ELP4: variants seen among roughly 807,000 people sequenced by gnomAD.
The protein encoded by ELP4 is elongator acetyltransferase complex subunit 4, also known as elongator complex protein 4.
Under a neutral mutation model 48.9 loss-of-function variants are expected in ELP4, and 51 were observed. That is an observed-to-expected ratio of 1.04 (90% CI 0.83 to 1.32). The LOEUF is 1.32. ELP4 is among the 40% of genes most tolerant of loss of function. The pLI is 0.00. For missense variants in ELP4, 519 were observed against 514.6 expected (o/e 1.01, Z -0.08); for synonymous variants, 210 against 189.2 (o/e 1.11, Z -0.90).
chr11:31,573,617 C>T (rs1391017049), intron 3 of ELP4: 2 of 152,088 alleles, frequency 1.3e-5, no homozygotes, highest in Non-Finnish European at 2.9e-5. Context: ...GGTGTCTCTT[C>T]TTATAAGGTA....
At chr11:31,637,469 T>C (rs1592180045) in intron 7 of ELP4, 1 of 152,118 alleles carries the variant, frequency 6.6e-6, no homozygotes, top group African/African-American at 2.4e-5. Context: ...ATAAGAATAT[T>C]ATTGCAACTT....
chr11:31,577,656 A>G (rs1243371499), intron 3 of ELP4, among the ~76,000 whole-genome samples: 1 of 152,168 alleles, frequency 6.6e-6, no homozygotes, highest in Non-Finnish European at 1.5e-5. Flanking sequence ...GAATCAATAA[A>G]TGTAATCCAT....
rs1945482302 is a variant in ELP4, at chr11:31,658,364, TA to T, written c.1143+8144del. 1.6e-4 allele frequency among the ~76,000 whole-genome samples: 5 copies of T among 30,812 alleles called. No homozygotes were observed. In the Admixed American group the frequency reaches 1.7e-3, roughly 10 times the overall value. 20.2% of individuals were successfully genotyped at this position (30,812 alleles called of 152,430 possible). On this transcript the variant is annotated intron_variant, in intron 9 of 9. Transcript: ENST00000640961. ...CCTTATATAACATGATGTTATTTTA[TA>T]TATATATATATTCATATGTATGTGT...
intron 9 of ELP4, among the ~76,000 whole-genome samples, chr11:31,700,335 A>G (rs1345968422): frequency 2.0e-5 from 3 of 152,088 alleles, no homozygotes; most frequent in Non-Finnish European, 4.4e-5. Context: ...GTGTTTGAAA[A>G]TACTTCAAAA....
chr11:31,518,857 A>G (rs1455608129), intron 1 of ELP4, among the ~76,000 whole-genome samples: 1 of 146,500 alleles, frequency 6.8e-6, no homozygotes, highest in East Asian at 2.0e-4. Context: ...GATTGTGCCA[A>G]TGCACTCTAG....
chr11:31,663,277 A>C (rs1011170976), intron 9 of ELP4: 5 of 152,042 alleles, frequency 3.3e-5, no homozygotes, highest in African/African-American at 7.2e-5. Flanking sequence ...AAATGTTAAA[A>C]GTTTTGAATT....
intron 8 of ELP4, 112 bp downstream of exon 8, chr11:31,647,961 C>T: frequency 3.1e-6 from 2 of 640,802 alleles, no homozygotes; most frequent in Non-Finnish European, 5.7e-6. Context: ...TTTTATAATA[C>T]ACCTGTTAAA....
chr11:31,584,267 C>T (rs1304588294), intron 3 of ELP4, among the ~76,000 whole-genome samples: 2 of 151,680 alleles, frequency 1.3e-5, no homozygotes, highest in East Asian at 3.9e-4. Flanking sequence ...TGTTCTCCAC[C>T]TTGAGGATAG....
At position 31,784,388 on chromosome 11, in the gene ELP4, C is replaced by T. The variant is rs1424830892; in HGVS notation, c.*864C>T. 6.6e-6 allele frequency: 1 copy of T among 152,124 alleles called. No homozygotes were observed. The highest frequency in any genetic ancestry group is 6.5e-5 in the Admixed American group (1 of 15,280). The allele number at this position is 152,124 out of a possible 1,614,324, so 9.4% of individuals were successfully genotyped here. A position where few individuals can be genotyped will look rare whatever the true frequency, so the allele number is the denominator to read the frequency against. On this transcript the variant is annotated 3_prime_UTR_variant, in exon 10 of 10. Transcript: ENST00000640961. Reference sequence around the variant, plus strand: ...GAACATTGGTTGAGTGTGTAAATTTCTAACCATGTAAACATGTCTTTGGGG... The same window carrying T: ...GAACATTGGTTGAGTGTGTAAATTTTTAACCATGTAAACATGTCTTTGGGG...
chr11:31,567,131 C>T (rs920001146), intron 3 of ELP4, among the ~76,000 whole-genome samples: 12 of 151,962 alleles, frequency 7.9e-5, no homozygotes, highest in African/African-American at 2.7e-4. Flanking sequence ...TGGGGTTTCT[C>T]CATGTTGGTC....
intron 9 of ELP4, among the ~76,000 whole-genome samples, chr11:31,780,317 GC>G (rs1422803993): frequency 6.6e-6 from 1 of 152,070 alleles, no homozygotes; most frequent in African/African-American, 2.4e-5. Context: ...GTTCTTCCTC[GC>G]TGTTTCACAT....
intron 5 of ELP4, among the ~76,000 whole-genome samples, chr11:31,604,290 G>A (rs1957832084): frequency 6.6e-6 from 1 of 151,754 alleles, no homozygotes; most frequent in African/African-American, 2.4e-5. Flanking sequence ...ATACAAACTA[G>A]TGTCGTTTGC....
At chr11:31,678,879 G>T (rs1945996036) in intron 9 of ELP4, among the ~76,000 whole-genome samples, 1 of 152,156 alleles carries the variant, frequency 6.6e-6, no homozygotes. Context: ...CACCAGCAAT[G>T]AATGAGAGTT....
chr11:31,789,468 A>C lies in ELP4; in HGVS notation c.*5944A>C, dbSNP rs1044580021. Reference sequence around the variant, plus strand: ...TAATTATATGCAAAGGAATGATACAAACTTGGAACATCAGTCCATAAACTA... The same window carrying C: ...TAATTATATGCAAAGGAATGATACACACTTGGAACATCAGTCCATAAACTA... On this transcript the variant is annotated 3_prime_UTR_variant, in exon 10 of 10. Coordinates refer to ENST00000640961, the MANE Select transcript of ELP4 (RefSeq NM_019040.5). The C allele has an allele frequency of 4.1e-6, 2 of 491,410 alleles. No individual in the cohort carries two copies. The highest frequency in any genetic ancestry group is 7.5e-5 in the Admixed American group (2 of 26,578). 30.4% of individuals were successfully genotyped at this position (491,410 alleles called of 1,614,324 possible). A position where few individuals can be genotyped will look rare whatever the true frequency, so the allele number is the denominator to read the frequency against.
intron 3 of ELP4, among the ~76,000 whole-genome samples, chr11:31,546,571 A>T (rs1343229967): frequency 6.6e-6 from 1 of 152,200 alleles, no homozygotes; most frequent in East Asian, 1.9e-4. Context: ...CATTAGACAG[A>T]TCAACGAGAC....
At chr11:31,629,560 A>G (rs1944815424) in intron 6 of ELP4, among the ~76,000 whole-genome samples, 1 of 152,010 alleles carries the variant, frequency 6.6e-6, no homozygotes, top group African/African-American at 2.4e-5. Flanking sequence ...TGTATCTGTC[A>G]GAGTCATTAA....
intron 5 of ELP4, among the ~76,000 whole-genome samples, chr11:31,604,542 A>G (rs1409708321): frequency 6.6e-6 from 1 of 151,964 alleles, no homozygotes; most frequent in Non-Finnish European, 1.5e-5. Flanking sequence ...TGAATAATGT[A>G]TGTTATAAAG....
intron 2 of ELP4, among the ~76,000 whole-genome samples, chr11:31,521,291 T>C (rs1956210534): frequency 6.6e-6 from 1 of 152,048 alleles, no homozygotes; most frequent in South Asian, 2.1e-4. Flanking sequence ...ATTATGTTTT[T>C]TTTTTTTAGC....
At chr11:31,748,433 C>T (rs1049346343) in intron 9 of ELP4, among the ~76,000 whole-genome samples, 10 of 151,934 alleles carry the variant, frequency 6.6e-5, no homozygotes, top group East Asian at 3.9e-4. Context: ...TTAGTAGAGA[C>T]GGGGTTTCAC....
Sources: allele counts gnomAD v4.1 joint callset (sites outside exome capture counted in the v4.1 genomes callset), GRCh38; gene constraint gnomAD v4.1.1; transcripts MANE v1.5; gene names NCBI Gene and HGNC (gene_info 2026-07-23, HGNC 2026-07-21).